ZFAND1: variants seen among roughly 807,000 people sequenced by gnomAD.
ZFAND1 encodes the protein AN1-type zinc finger protein 1.
In ZFAND1, 40 loss-of-function variants were observed where a neutral mutation model predicts 38.5. That is an observed-to-expected ratio of 1.04 (90% CI 0.81 to 1.35). ZFAND1 has a LOEUF of 1.35. Among genes scored for constraint, ZFAND1 ranks in the 40% most tolerant of loss-of-function variants. The pLI, the probability that ZFAND1 is intolerant of heterozygous loss-of-function variation, is 0.00. For synonymous variants in ZFAND1, 117 were observed against 103.6 expected (o/e 1.13, Z -0.78); for missense variants, 346 against 316.3 (o/e 1.09, Z -0.71).
chr8:81,711,998 C>T (rs1346956492), intron 6 of ZFAND1, among the ~76,000 whole-genome samples: 1 of 152,130 alleles, frequency 6.6e-6, no homozygotes, highest in East Asian at 1.9e-4. Context: ...GTCACTAACA[C>T]ACACTAAATA....
At position 81,702,648 on chromosome 8, in the gene ZFAND1, A is replaced by G; in HGVS notation, c.*47T>C. 2.2e-6 allele frequency: 3 copies of G among 1,379,154 alleles called. No homozygotes were observed. The highest frequency in any genetic ancestry group is 2.3e-4 in the Middle Eastern group (1 of 4,394). 85.4% of individuals were successfully genotyped at this position (1,379,154 alleles called of 1,614,324 possible). A position where few individuals can be genotyped will look rare whatever the true frequency, so the allele number is the denominator to read the frequency against. The stretch of plus-strand genomic sequence containing the variant: ...TGTAGTAAAATAAATGGACTTAAAC[A>G]TGTAATAGAATTTTCCCTGTGATTT... On this transcript the variant is annotated 3_prime_UTR_variant, in exon 8 of 8. Coordinates refer to ENST00000220669, the MANE Select transcript of ZFAND1 (RefSeq NM_024699.3).
At chr8:81,709,424 T>C (rs901625768) in intron 6 of ZFAND1, among the ~76,000 whole-genome samples, 36 of 152,174 alleles carry the variant, frequency 2.4e-4, no homozygotes, top group Admixed American at 2.3e-3. Context: ...CAGGGCTTGG[T>C]ATATAGAAAG....
At chr8:81,706,343 T>C (rs1008148686) in intron 6 of ZFAND1, among the ~76,000 whole-genome samples, 1 of 20,398 alleles carries the variant, frequency 4.9e-5, no homozygotes, top group African/African-American at 1.8e-4. Context: ...TTAGTAAAAA[T>C]ACAAGTAAGC....
At chr8:81,708,227 GCAACAA>G (rs890395009) in intron 6 of ZFAND1, among the ~76,000 whole-genome samples, 142 of 127,204 alleles carry the variant, frequency 1.1e-3, no homozygotes, top group African/African-American at 4.0e-3. Context: ...TCCAGACTGG[GCAACAA>G]CAGCAAAGCT....
chr8:81,702,948 A>G, intron 7 of ZFAND1, 21 bp downstream of exon 7: 1 of 1,492,094 alleles, frequency 6.7e-7, no homozygotes, highest in Non-Finnish European at 8.9e-7. Context: ...ATATAGAAAT[A>G]TTATTATAAT....
At chr8:81,717,118 C>T (rs879646303) in intron 3 of ZFAND1, 131 bp downstream of exon 3, 4 of 632,740 alleles carry the variant, frequency 6.3e-6, no homozygotes, top group Non-Finnish European at 1.1e-5. Context: ...AAGCAAAAGC[C>T]TCTTTACCTA....
At chr8:81,706,818 T>C (rs1419531180) in intron 6 of ZFAND1, among the ~76,000 whole-genome samples, 4 of 152,168 alleles carry the variant, frequency 2.6e-5, no homozygotes, top group Non-Finnish European at 5.9e-5. Context: ...GCTGAAGATT[T>C]TTTTTCTCTT....
At position 81,706,370 on chromosome 8, in the gene ZFAND1, C is replaced by CAAAAAAAAAAAAAAA. The variant is rs35031788; in HGVS notation, c.481-3261_481-3247dup. On this transcript the variant is annotated intron_variant, in intron 6 of 7. Transcript: ENST00000220669. ...CAAGTAAGCCCTAAGGAAGGAGAAA[C>CAAAAAAAAAAAAAAA]AAAAAAAAAAAAAAAAAAAAAAAAG... Among the ~76,000 whole-genome samples, 110 of 72,626 alleles carry CAAAAAAAAAAAAAAA rather than the reference C, an allele frequency of 1.5e-3. 1 individual carries two copies. Among genetic ancestry groups the CAAAAAAAAAAAAAAA allele is most frequent in the East Asian group, 4.1e-3 (9 of 2,212 alleles). 47.6% of individuals were successfully genotyped at this position (72,626 alleles called of 152,430 possible). A position where few individuals can be genotyped will look rare whatever the true frequency, so the allele number is the denominator to read the frequency against.
At chr8:81,712,460 G>A (rs1469944299) in intron 6 of ZFAND1, among the ~76,000 whole-genome samples, 3 of 152,084 alleles carry the variant, frequency 2.0e-5, no homozygotes, top group African/African-American at 7.2e-5. Context: ...GGCATTTGGA[G>A]AAGATATGAC....
chr8:81,714,706 G>A, intron 5 of ZFAND1, 98 bp downstream of exon 5: 1 of 970,512 alleles, frequency 1.0e-6, no homozygotes, highest in Non-Finnish European at 1.6e-6. Context: ...GAATACCACT[G>A]GGGTTATTAA....
chr8:81,709,436 A>T (rs897634090), intron 6 of ZFAND1, among the ~76,000 whole-genome samples: 13 of 151,522 alleles, frequency 8.6e-5, no homozygotes, highest in Non-Finnish European at 1.0e-4. Flanking sequence ...TATAGAAAGT[A>T]TTTTTTTTTA....
chr8:81,707,559 T>C (rs1808018122), intron 6 of ZFAND1, among the ~76,000 whole-genome samples: 1 of 152,220 alleles, frequency 6.6e-6, no homozygotes, highest in Non-Finnish European at 1.5e-5. Context: ...CTAAGAGTGG[T>C]ATTTTTTAAA....
rs138316789 is a variant in ZFAND1 at position 81,718,208 on chromosome 8, C to T, written c.72G>A (p.Val24=). Residue 24 remains valine (V), a synonymous_variant, in exon 2 of 8, where the codon GTG becomes GTA. Transcript: ENST00000220669. The part of the protein sequence containing the change: ...HCRQRDFLPF[V]CDDCSGIFCL... ...AAAATATTCCTGAACAATCATCACA[C>T]ACAAATGGAAGAAAATCTAAAATTG... The T allele has an allele frequency of 9.4e-5, 148 of 1,573,900 alleles. 1 individual carries two copies. The highest frequency in any genetic ancestry group is 9.3e-4 in the South Asian group (79 of 84,584).
chr8:81,715,047 C>T lies in ZFAND1; in HGVS notation c.206G>A (p.Cys69Tyr), dbSNP rs758924374. The change falls in exon 4 of 8, where the codon TGT (cysteine) becomes TAT (tyrosine). Residue 69 changes from cysteine to tyrosine, a missense_variant. Cys to Tyr is a radical substitution (Grantham distance 194). Transcript: ENST00000220669. ...AACTGCCACAAGTTCTCTCTCAGCACAGTCTTTGAAAGAGCATGGGTAAGA... is the reference window on the plus strand; with the variant it reads ...AACTGCCACAAGTTCTCTCTCAGCATAGTCTTTGAAAGAGCATGGGTAAGA... The part of the protein sequence containing the change: ...HTSYPCSFKD[C>Y]AERELVAVIC... 1.2e-6 allele frequency: 2 copies of T among 1,614,102 alleles called. No individual in the cohort carries two copies. The highest frequency in any genetic ancestry group is 1.3e-5 in the African/African-American group (1 of 75,042).
chr8:81,721,133 T>C, intron 1 of ZFAND1, 94 bp downstream of exon 1: 2 of 1,468,936 alleles, frequency 1.4e-6, no homozygotes, highest in Non-Finnish European at 1.8e-6. Context: ...CCCAGCCTTG[T>C]GGCCTCCCTT....
chr8:81,715,381 C>A (rs551282706), intron 3 of ZFAND1, among the ~76,000 whole-genome samples: 41 of 152,274 alleles, frequency 2.7e-4, no homozygotes, highest in African/African-American at 9.4e-4. Context: ...TTTTAACCTG[C>A]TTTGTAACAG....
intron 6 of ZFAND1, among the ~76,000 whole-genome samples, chr8:81,709,468 A>C (rs1808073625): frequency 6.6e-6 from 1 of 152,138 alleles, no homozygotes; most frequent in Non-Finnish European, 1.5e-5. Context: ...TAAATGATTG[A>C]TACCATTTTT....
intron 5 of ZFAND1, chr8:81,714,428 C>A: frequency 3.9e-6 from 1 of 253,408 alleles, no homozygotes; most frequent in Non-Finnish European, 7.6e-6. Context: ...GTCACAGATA[C>A]ATTCATTCCT....
At chr8:81,703,287 G>A (rs997374784) in intron 6 of ZFAND1, among the ~76,000 whole-genome samples, 163 bp from the exon 7 acceptor site, 4 of 152,140 alleles carry the variant, frequency 2.6e-5, no homozygotes, top group Admixed American at 2.6e-4. Flanking sequence ...ACACATAAAT[G>A]CATGGGCATA....
Sources: allele counts gnomAD v4.1 joint callset (sites outside exome capture counted in the v4.1 genomes callset), GRCh38; gene constraint gnomAD v4.1.1; transcripts MANE v1.5; gene names NCBI Gene and HGNC (gene_info 2026-07-23, HGNC 2026-07-21).